Variants in TRAT1 observed in about 807,000 individuals in gnomAD.
The protein encoded by TRAT1 is T cell receptor associated transmembrane adaptor 1.
TRAT1 carries 20 observed loss-of-function variants against 20.0 expected under a neutral mutation model. The observed-to-expected ratio is 1.00, with a 90% CI of 0.70 to 1.45. The LOEUF (loss-of-function observed/expected upper bound fraction) is 1.45. TRAT1 is among the 40% of genes most tolerant of loss of function. The pLI is 0.00. For missense variants in TRAT1, 237 were observed against 224.1 expected, an observed-to-expected ratio of 1.06 and a Z score of -0.37; for synonymous variants, 77 against 74.2, an observed-to-expected ratio of 1.04 and a Z score of -0.20.
intron 3 of TRAT1, among the ~76,000 whole-genome samples, chr3:108,844,457 G>T (rs1367550099): frequency 0.024 from 3,611 of 150,266 alleles, 133 homozygotes; most frequent in African/African-American, 0.08. Flanking sequence ...TTATTTAAAT[G>T]GACTTTGATC....
chr3:108,842,512 A>G (rs1230196873), intron 3 of TRAT1, among the ~76,000 whole-genome samples: 1 of 152,114 alleles, frequency 6.6e-6, no homozygotes. Flanking sequence ...TGTGTAACCA[A>G]AGTGTCTCTA....
chr3:108,830,661 A>G lies in TRAT1; in HGVS notation c.8-9A>G. 1 of 1,582,290 alleles carries G rather than the reference A, an allele frequency of 6.3e-7. No individual in the cohort carries two copies. The highest frequency in any genetic ancestry group is 1.1e-5 in the South Asian group (1 of 90,406). On this transcript the variant is annotated splice_polypyrimidine_tract_variant and intron_variant, in intron 1 of 5. Coordinates refer to ENST00000295756, the MANE Select transcript of TRAT1 (RefSeq NM_016388.4). ...GTTATATTATGTGTATGTTTATTTTAATTTCCAGGAATCTCTGGGTGCCCC... is the reference window on the plus strand; with the variant it reads ...GTTATATTATGTGTATGTTTATTTTGATTTCCAGGAATCTCTGGGTGCCCC...
At chr3:108,830,912 T>C (rs896494030) in intron 2 of TRAT1, 132 bp downstream of exon 2, 5 of 634,936 alleles carry the variant, frequency 7.9e-6, no homozygotes, top group Non-Finnish European at 1.4e-5. Flanking sequence ...GAAAATCTAT[T>C]TGCTAATTTT....
chr3:108,845,301 T>G (rs1234887056), intron 3 of TRAT1, among the ~76,000 whole-genome samples: 1 of 152,248 alleles, frequency 6.6e-6, no homozygotes, highest in East Asian at 1.9e-4. Flanking sequence ...CATCTTATTT[T>G]CATTCATAGG....
At chr3:108,842,386 A>C (rs1415325010) in intron 3 of TRAT1, among the ~76,000 whole-genome samples, 1 of 152,094 alleles carries the variant, frequency 6.6e-6, no homozygotes, top group African/African-American at 2.4e-5. Flanking sequence ...TGTCCTCTTC[A>C]CCCATTCTCA....
intron 2 of TRAT1, among the ~76,000 whole-genome samples, chr3:108,838,363 TAGATAG>T (rs1262033392): frequency 4.7e-5 from 6 of 128,144 alleles, no homozygotes; most frequent in African/African-American, 1.8e-4. Flanking sequence ...AGATGATAGA[TAGATAG>T]ATAGATAGAT....
At chr3:108,841,851 A>G (rs902754231) in intron 3 of TRAT1, among the ~76,000 whole-genome samples, 2 of 152,162 alleles carry the variant, frequency 1.3e-5, no homozygotes, top group African/African-American at 4.8e-5. Context: ...TGTTAGGAGG[A>G]TAATACTGTG....
At chr3:108,833,332 C>T (rs1309411029) in intron 2 of TRAT1, among the ~76,000 whole-genome samples, 1 of 152,076 alleles carries the variant, frequency 6.6e-6, no homozygotes, top group African/African-American at 2.4e-5. Context: ...GCAGGAGAAT[C>T]GCTTAAACCC....
At chr3:108,847,398 C>T (rs1307605390) in intron 4 of TRAT1, 1 of 305,290 alleles carries the variant, frequency 3.3e-6, no homozygotes, top group African/African-American at 2.2e-5. Flanking sequence ...AAGACTATTA[C>T]CATGAATTTC....
At chr3:108,832,652 G>C (rs13059392) in intron 2 of TRAT1, among the ~76,000 whole-genome samples, 26,020 of 152,016 alleles carry the variant, frequency 0.17, 2,979 homozygotes, top group East Asian at 0.58. Flanking sequence ...ACCAAGACAA[G>C]ACCAGTAACC....
At chr3:108,840,906 G>A (rs1945891085) in intron 3 of TRAT1, among the ~76,000 whole-genome samples, 1 of 152,226 alleles carries the variant, frequency 6.6e-6, no homozygotes, top group Non-Finnish European at 1.5e-5. Flanking sequence ...TCATCTTCCT[G>A]TTCCCCACCT....
intron 3 of TRAT1, among the ~76,000 whole-genome samples, chr3:108,844,843 C>CAAAAAAA (rs71103495): frequency 1.7e-4 from 8 of 47,826 alleles, no homozygotes; most frequent in African/African-American, 6.8e-4. Context: ...GACTCTGTCT[C>CAAAAAAA]AAAAAAAAAA....
intron 3 of TRAT1, 102 bp from the exon 4 acceptor site, chr3:108,846,966 A>T: frequency 2.4e-6 from 2 of 827,814 alleles, no homozygotes; most frequent in South Asian, 3.1e-5. Context: ...GGTAACCAAG[A>T]ATAGGCAATA....
intron 3 of TRAT1, among the ~76,000 whole-genome samples, chr3:108,846,481 G>T (rs1249032581): frequency 6.6e-6 from 1 of 152,132 alleles, no homozygotes; most frequent in Non-Finnish European, 1.5e-5. Flanking sequence ...CTCACCATCT[G>T]GACATAATAG....
chr3:108,833,986 T>G (rs537273935), intron 2 of TRAT1, among the ~76,000 whole-genome samples: 20 of 152,288 alleles, frequency 1.3e-4, no homozygotes, highest in African/African-American at 4.8e-4. Flanking sequence ...TTTTCACATC[T>G]GTTATTTTGG....
intron 3 of TRAT1, among the ~76,000 whole-genome samples, chr3:108,839,957 G>GT (rs1399586069): frequency 4.0e-5 from 6 of 151,392 alleles, no homozygotes; most frequent in African/African-American, 1.5e-4. Context: ...TGTTTTAGGG[G>GT]TAAAAAAAAA....
intron 3 of TRAT1, among the ~76,000 whole-genome samples, chr3:108,840,314 G>A (rs1945882796): frequency 6.6e-6 from 1 of 152,050 alleles, no homozygotes; most frequent in Non-Finnish European, 1.5e-5. Flanking sequence ...ACATAATGAT[G>A]AAAATCCTAT....
At chr3:108,834,826 C>G (rs1422556053) in intron 2 of TRAT1, among the ~76,000 whole-genome samples, 1 of 152,114 alleles carries the variant, frequency 6.6e-6, no homozygotes, top group African/African-American at 2.4e-5. Flanking sequence ...ACCAGATAAG[C>G]CTCCCCTTGA....
chr3:108,853,465 T>TTTTTTG, intron 5 of TRAT1, among the ~76,000 whole-genome samples, 155 bp from the exon 6 acceptor site: 1 of 152,290 alleles, frequency 6.6e-6, no homozygotes, highest in African/African-American at 2.4e-5. Flanking sequence ...TTCTGTTCTG[T>TTTTTTG]TTTTTGTTTT....
Sources: gnomAD v4.1 joint callset for allele counts (sites outside exome capture counted in the v4.1 genomes callset) on GRCh38, gnomAD v4.1.1 for gene constraint, MANE v1.5 for transcripts, NCBI Gene and HGNC (gene_info 2026-07-23, HGNC 2026-07-21) for gene names.